The following LTBP2 variants were observed in gnomAD, a reference collection of about 807,000 sequenced individuals.
LTBP2 encodes the protein latent-transforming growth factor beta-binding protein 2.
Under a neutral mutation model 210.6 loss-of-function variants are expected in LTBP2, and 103 were observed. The ratio of observed to expected loss-of-function variants is 0.49; its 90% CI spans 0.42 to 0.58. The LOEUF is 0.58. Among genes scored for constraint, LTBP2 ranks in the 20% least tolerant of loss-of-function variants. The pLI is 0.00. For synonymous variants in LTBP2, 1,007 were observed against 1,015.0 expected (o/e 0.99, Z 0.15); for missense variants, 2,313 against 2,494.5 (o/e 0.93, Z 1.55).
chr14:74,587,285 G>C (rs1234536964), intron 2 of LTBP2, among the ~76,000 whole-genome samples: 1 of 152,030 alleles, frequency 6.6e-6, no homozygotes, highest in African/African-American at 2.4e-5. Context: ...TGAATGTCAG[G>C]CACTGGGACA....
rs753803515 is a variant in LTBP2, at chr14:74,498,648, G to A, written c.*2236C>T. On this transcript the variant is annotated 3_prime_UTR_variant, in exon 36 of 36. Coordinates refer to ENST00000261978, the MANE Select transcript of LTBP2 (RefSeq NM_000428.3). The stretch of plus-strand genomic sequence containing the variant: ...TTGGCAGGAAGGTGGAGATTGGAGT[G>A]TTGTGGGGGCAGTGGGAACAGCAGT... 1 of 232,198 alleles carries A rather than the reference G, an allele frequency of 4.3e-6. No individual in the cohort carries two copies. The highest frequency in any genetic ancestry group is 8.5e-6 in the Non-Finnish European group (1 of 117,354). 14.4% of individuals were successfully genotyped at this position (232,198 alleles called of 1,614,324 possible). A position where few individuals can be genotyped will look rare whatever the true frequency, so the allele number is the denominator to read the frequency against.
chr14:74,510,275 C>A, intron 19 of LTBP2, 62 bp from the exon 20 acceptor site: 1 of 1,604,332 alleles, frequency 6.2e-7, no homozygotes. Context: ...CCCCCGCTGG[C>A]AGGCTCCAAG....
chr14:74,554,536 T>C (rs1419527229), intron 4 of LTBP2, among the ~76,000 whole-genome samples: 1 of 152,126 alleles, frequency 6.6e-6, no homozygotes, highest in Non-Finnish European at 1.5e-5. Context: ...AATGTAACGC[T>C]AAGTGAAAGA....
chr14:74,529,695 A>G (rs1052403408), intron 10 of LTBP2, among the ~76,000 whole-genome samples: 13 of 152,244 alleles, frequency 8.5e-5, no homozygotes, highest in African/African-American at 3.1e-4. Context: ...CAACCAGCCA[A>G]TCAAAATACT....
intron 8 of LTBP2, among the ~76,000 whole-genome samples, chr14:74,543,511 TGCC>T (rs2087537609): frequency 2.6e-5 from 2 of 78,244 alleles, no homozygotes; most frequent in South Asian, 3.3e-4. Context: ...AGAGCCTGCC[TGCC>T]TGCCTGCCTG....
intron 3 of LTBP2, among the ~76,000 whole-genome samples, chr14:74,564,139 A>ATATATATATT (rs2087845624): frequency 1.1e-4 from 1 of 9,236 alleles, no homozygotes; most frequent in South Asian, 2.7e-3. Flanking sequence ...ATATATATTT[A>ATATATATATT]TATATATATA....
In LTBP2 at chr14:74,501,554, T is replaced by G; in HGVS notation, c.5207A>C (p.Glu1736Ala). ...PAGFEGLQAE[E>A]CGILNGCENG... ...CTCACAGCCGTTCAGGATGCCGCAC[T>G]CCTCCGCCTGAAGCCCTTCGAAGCC... is the stretch of plus-strand genomic sequence containing the variant. Residue 1736 changes from glutamate (E) to alanine (A), a missense_variant, in exon 35 of 36, where the codon GAG becomes GCG. By Grantham distance (107) the Glu-to-Ala change is moderately radical. This residue lies in a region of LTBP2 where 443 missense variants were observed against 501.4 expected (regional missense o/e 0.88). Coordinates refer to ENST00000261978, the MANE Select transcript of LTBP2 (RefSeq NM_000428.3). The G allele has an allele frequency of 6.2e-7, 1 of 1,614,114 alleles. No individual in the cohort carries two copies. The highest frequency in any genetic ancestry group is 8.5e-7 in the Non-Finnish European group (1 of 1,180,024).
rs1296565307 is a variant in LTBP2 at position 74,586,903 on chromosome 14, G to A, written c.566-785C>T. On this transcript the variant is annotated intron_variant, in intron 2 of 35. Transcript: ENST00000261978. This position sits in a 1 kb window ranked among gnomAD's most constrained non-coding sequence, Gnocchi z 4.6. ...CCCCGCTCTGTGGGGCCTCTGTTCA[G>A]GCTCAGGCTCTCTCTGGATTCTGCC... Among the ~76,000 whole-genome samples, 2 of 152,214 alleles carry A rather than the reference G, an allele frequency of 1.3e-5. No homozygotes were observed. The highest frequency in any genetic ancestry group is 1.9e-4 in the East Asian group (1 of 5,182).
At chr14:74,515,651 G>A (rs759995818) in intron 18 of LTBP2, among the ~76,000 whole-genome samples, 5 of 152,172 alleles carry the variant, frequency 3.3e-5, no homozygotes, top group Non-Finnish European at 7.3e-5. Flanking sequence ...AATTCACAGT[G>A]TCATTATGAT....
At chr14:74,561,890 G>A (rs1045770412) in intron 3 of LTBP2, among the ~76,000 whole-genome samples, 2 of 152,048 alleles carry the variant, frequency 1.3e-5, no homozygotes, top group African/African-American at 4.8e-5. Flanking sequence ...GACCCAAAAT[G>A]AGGAGGCAGA....
chr14:74,569,577 G>A (rs1244930996), intron 3 of LTBP2, among the ~76,000 whole-genome samples: 1 of 152,178 alleles, frequency 6.6e-6, no homozygotes, highest in Non-Finnish European at 1.5e-5. Flanking sequence ...CAGGTCCAAT[G>A]ACAGAAGCCA....
At position 74,528,957 on chromosome 14, in the gene LTBP2, C is replaced by T. The variant is rs1290714423; in HGVS notation, c.2152+1G>A. 6.2e-7 allele frequency: 1 copy of T among 1,611,066 alleles called. No individual in the cohort carries two copies. Among genetic ancestry groups the T allele is most frequent in the Non-Finnish European group, 8.5e-7 (1 of 1,179,194 alleles). On this transcript the variant is annotated splice_donor_variant, in intron 11 of 35. Coordinates refer to ENST00000261978, the MANE Select transcript of LTBP2 (RefSeq NM_000428.3). LOFTEE classifies it high-confidence loss of function. Reference sequence around the variant, plus strand: ...AAGCTGGGATGGGAACAGGAGGTTACCTGTGCCAGGCAGAGGGCATTTCTC... The same window carrying T: ...AAGCTGGGATGGGAACAGGAGGTTATCTGTGCCAGGCAGAGGGCATTTCTC...
At chr14:74,569,131 C>T (rs746271984) in intron 3 of LTBP2, among the ~76,000 whole-genome samples, 1 of 134,146 alleles carries the variant, frequency 7.5e-6, no homozygotes, top group Non-Finnish European at 1.6e-5. Context: ...TCATCTAGTG[C>T]CTGGAATGAA....
chr14:74,553,104 G>T (rs764724190), intron 4 of LTBP2, 42 bp from the exon 5 acceptor site: 4 of 1,594,298 alleles, frequency 2.5e-6, no homozygotes, highest in Non-Finnish European at 3.4e-6. Context: ...GGGCTGAGAG[G>T]CACAGCTGTG....
At chr14:74,609,629 C>A (rs1471017373) in intron 1 of LTBP2, among the ~76,000 whole-genome samples, 2 of 152,152 alleles carry the variant, frequency 1.3e-5, no homozygotes, top group Non-Finnish European at 2.9e-5. Flanking sequence ...ACCTCCAGGC[C>A]CCCCTCCTGC....
At chr14:74,506,013 G>T in intron 28 of LTBP2, 35 bp downstream of exon 28, 1 of 1,613,586 alleles carries the variant, frequency 6.2e-7, no homozygotes, top group Non-Finnish European at 8.5e-7. Context: ...GTAAACCTCT[G>T]AGTCACCATG....
rs199581921 is a variant in LTBP2 at position 74,603,635 on chromosome 14, G to C, written c.565C>G (p.Pro189Ala). ...TANSTNHCIKPVCEPPCQNRG... is the reference protein window; with the variant it reads ...TANSTNHCIKAVCEPPCQNRG... Reference sequence around the variant, plus strand: ...GTCTGCTACTGGTGGAGGCACTCACGTTTGATACAGTGGTTGGTGCTGTTT... The same window carrying C: ...GTCTGCTACTGGTGGAGGCACTCACCTTTGATACAGTGGTTGGTGCTGTTT... Residue 189 changes from proline (P) to alanine (A), a missense_variant and splice_region_variant, in exon 2 of 36, where the codon CCC becomes GCC. This residue lies in a region of LTBP2 where 1,867 missense variants were observed against 1,976.9 expected (regional missense o/e 0.94). Transcript: ENST00000261978. 1 of 1,614,080 alleles carries C rather than the reference G, an allele frequency of 6.2e-7. No homozygotes were observed. The highest frequency in any genetic ancestry group is 1.3e-5 in the African/African-American group (1 of 74,932).
At chr14:74,532,318 C>T (rs1307673225) in intron 10 of LTBP2, 108 bp downstream of exon 10, 30 of 1,480,100 alleles carry the variant, frequency 2.0e-5, no homozygotes, top group Non-Finnish European at 2.8e-5. Context: ...CTGAGCATGG[C>T]GTGATCAGGT....
intron 2 of LTBP2, among the ~76,000 whole-genome samples, chr14:74,593,673 A>T (rs1047291135): frequency 6.6e-6 from 1 of 152,206 alleles, no homozygotes; most frequent in Non-Finnish European, 1.5e-5. Context: ...GCCATATTTC[A>T]AGTGCTCGAT....
Sources: gnomAD v4.1 joint callset for allele counts (sites outside exome capture counted in the v4.1 genomes callset) on GRCh38, gnomAD v4.1.1 for gene constraint, gnomAD v4.1.1 regional missense constraint, Gnocchi (gnomAD v3.1) non-coding constraint, MANE v1.5 for transcripts, NCBI Gene and HGNC (gene_info 2026-07-23, HGNC 2026-07-21) for gene names.